The following MCM3 variants were observed in gnomAD, a reference collection of about 807,000 sequenced individuals.
MCM3 encodes minichromosome maintenance complex component 3, also known as DNA replication licensing factor MCM3.
In MCM3, 59 loss-of-function variants were observed where a neutral mutation model predicts 91.3. The observed-to-expected ratio is 0.65, with a 90% CI of 0.52 to 0.80. MCM3 has a LOEUF of 0.80. MCM3 is among the 30% of genes least tolerant of loss of function. The pLI is 0.00. For synonymous variants in MCM3, 383 were observed against 379.6 expected (o/e 1.01, Z -0.10); for missense variants, 919 against 1,035.4 (o/e 0.89, Z 1.54).
chr6:52,278,609 T>C (rs1207960637), intron 6 of MCM3, 133 bp downstream of exon 6: 1 of 589,496 alleles, frequency 1.7e-6, no homozygotes, highest in Non-Finnish European at 3.0e-6. Flanking sequence ...CATTTGTTGA[T>C]TGAGACAAAA....
Position 52,272,463 on chromosome 6 carries a change from C to A in MCM3, c.1677-12G>T. On this transcript the variant is annotated splice_polypyrimidine_tract_variant and intron_variant, in intron 11 of 16. Transcript: ENST00000596288. ...TCACCATCTTCTCCCTGGAGCCACA[C>A]ACAGTGAATTCCATCTCCCTGCCAC... is the stretch of plus-strand genomic sequence containing the variant. 1 of 1,613,946 alleles carries A rather than the reference C, an allele frequency of 6.2e-7. No homozygotes were observed. The highest frequency in any genetic ancestry group is 2.2e-5 in the East Asian group (1 of 44,894).
At chr6:52,280,548 T>C (rs566067272) in intron 4 of MCM3, among the ~76,000 whole-genome samples, 7 of 152,358 alleles carry the variant, frequency 4.6e-5, no homozygotes, top group African/African-American at 1.7e-4. Flanking sequence ...TAGCAGAGTC[T>C]TGACTTGATA....
rs370860775 is a variant in MCM3, at chr6:52,277,209, G to A, written c.1034-11C>T. 3.7e-6 allele frequency: 6 copies of A among 1,609,744 alleles called. No individual in the cohort carries two copies. The highest frequency in any genetic ancestry group is 2.0e-4 in the Middle Eastern group (1 of 4,892). On this transcript the variant is annotated splice_polypyrimidine_tract_variant and intron_variant, in intron 7 of 16. Transcript: ENST00000596288. Reference sequence around the variant, plus strand: ...CAACGGATGGGTCTCCTGTAGGGTGGGGGCAGTGATGACTCTCTAGGAAAC... The same window carrying A: ...CAACGGATGGGTCTCCTGTAGGGTGAGGGCAGTGATGACTCTCTAGGAAAC...
intron 1 of MCM3, among the ~76,000 whole-genome samples, chr6:52,284,328 T>G (rs550361925): frequency 3.3e-5 from 5 of 152,234 alleles, no homozygotes; most frequent in Non-Finnish European, 7.3e-5. Flanking sequence ...TTTGCCAATC[T>G]GCTTGCACTT....
rs565171746 is a variant in MCM3 at position 52,264,715 on chromosome 6, C to T, written c.2300G>A (p.Arg767His). 13 of 1,614,108 alleles carry T rather than the reference C, an allele frequency of 8.1e-6. No individual in the cohort carries two copies. In the South Asian group the frequency reaches 9.9e-5, roughly 12 times the overall value. ...GTCCCGGTTGATGGATTCTGTGAGG[C>T]GATTCATGCCGATTGACTGCGCATG... ...EAHAQSIGMNRLTESINRDSE... is the reference protein window; with the variant it reads ...EAHAQSIGMNHLTESINRDSE... The change falls in exon 17 of 17, where the codon CGC becomes CAC. Residue 767 changes from arginine to histidine, a missense_variant. Physicochemically the swap from Arg to His is conservative, Grantham distance 29 (BLOSUM62 0). This residue lies in a region of MCM3 where 285 missense variants were observed against 311.4 expected (regional missense o/e 0.92). Transcript: ENST00000596288.
chr6:52,274,839 T>G (rs181871841), intron 9 of MCM3, among the ~76,000 whole-genome samples: 36 of 152,352 alleles, frequency 2.4e-4, no homozygotes, highest in Non-Finnish European at 1.3e-4. Context: ...TAATAATGAT[T>G]TTGACCATGT....
chr6:52,284,645 C>G lies in MCM3; in HGVS notation c.30G>C (p.Val10=), dbSNP rs1307173586. 1 of 1,605,132 alleles carries G rather than the reference C, an allele frequency of 6.2e-7. No individual in the cohort carries two copies. Among genetic ancestry groups the G allele is most frequent in the Non-Finnish European group, 8.5e-7 (1 of 1,176,770 alleles). ...AATCTCTCTGAGCCTCCCGCAGCTC[C>G]ACATCGTCCAGCACCACGGTACCCG... MAGTVVLDD[V]ELREAQRDYL... Residue 10 remains valine (V), a synonymous_variant, in exon 1 of 17, where the codon GTG becomes GTC. Transcript: ENST00000596288.
At chr6:52,266,844 G>A in intron 14 of MCM3, 148 bp from the exon 15 acceptor site, 1 of 677,270 alleles carries the variant, frequency 1.5e-6, no homozygotes, top group Non-Finnish European at 2.6e-6. Context: ...GCAAACTGCT[G>A]CTTGTTCCAA....
At chr6:52,283,462 A>G (rs186594924) in intron 1 of MCM3, 56 bp from the exon 2 acceptor site, 3 of 1,247,512 alleles carry the variant, frequency 2.4e-6, no homozygotes, top group Non-Finnish European at 3.5e-6. Flanking sequence ...CAATGTTTCT[A>G]AACAGAAGTA....
intron 4 of MCM3, among the ~76,000 whole-genome samples, chr6:52,279,877 G>A (rs1765924030): frequency 6.6e-6 from 1 of 152,168 alleles, no homozygotes; most frequent in Admixed American, 6.5e-5. Flanking sequence ...ACATTCTGAA[G>A]CAGTTTTTCC....
At chr6:52,267,800 A>T in intron 14 of MCM3, 65 bp downstream of exon 14, 1 of 732,308 alleles carries the variant, frequency 1.4e-6, no homozygotes, top group Non-Finnish European at 2.5e-6. Context: ...TGCTAAGATT[A>T]CAGGCGTGCA....
Position 52,271,134 on chromosome 6 carries a change from T to C in MCM3, c.1827+1167A>G, listed in dbSNP as rs147734954. Among the ~76,000 whole-genome samples, 454 of 150,756 alleles carry C rather than the reference T, an allele frequency of 3.0e-3. 2 individuals are homozygous for C. Among genetic ancestry groups the C allele is most frequent in the African/African-American group, 0.011 (437 of 40,972 alleles). On this transcript the variant is annotated intron_variant, in intron 12 of 16. Transcript: ENST00000596288. The stretch of plus-strand genomic sequence containing the variant: ...CGGAGGTTGCAGTGAGCCCAGACCA[T>C]GCCACTGCACTCCAGCCTGGGTAAC...
At position 52,279,656 on chromosome 6, in the gene MCM3, C is replaced by T. The variant is rs1765907148; in HGVS notation, c.532-57G>A. 7 of 1,272,446 alleles carry T rather than the reference C, an allele frequency of 5.5e-6. No individual in the cohort carries two copies. In the East Asian group the frequency reaches 1.4e-4, roughly 26 times the overall value. The allele number at this position is 1,272,446 out of a possible 1,614,324, so 78.8% of individuals were successfully genotyped here. A position where few individuals can be genotyped will look rare whatever the true frequency, so the allele number is the denominator to read the frequency against. The stretch of plus-strand genomic sequence containing the variant: ...TCTCCGTCCTGTCTTAAAAATGCCA[C>T]ACTCACCTGTCATGGCAAATAAGAT... On this transcript the variant is annotated intron_variant, in intron 4 of 16. Coordinates refer to ENST00000596288, the MANE Select transcript of MCM3 (RefSeq NM_002388.6).
chr6:52,279,708 A>C, intron 4 of MCM3, 109 bp from the exon 5 acceptor site: 8 of 886,024 alleles, frequency 9.0e-6, no homozygotes, highest in Non-Finnish European at 1.4e-5. Context: ...ATTATTCAGT[A>C]ACAAAAAAAG....
intron 9 of MCM3, among the ~76,000 whole-genome samples, chr6:52,274,952 T>C (rs1286122404): frequency 6.6e-6 from 1 of 152,200 alleles, no homozygotes; most frequent in Admixed American, 6.5e-5. Flanking sequence ...CTTTTAAAGA[T>C]GAGGTCTCAC....
rs1766483123 is a variant in MCM3, at chr6:52,284,622, T to C, written c.53A>G (p.Asp18Gly). Reference protein sequence around the residue: ...DDVELREAQRDYLDFLDDEED... With the variant: ...DDVELREAQRGYLDFLDDEED... ...CTCGTCGTCCAGGAAGTCCAGGTAATCTCTCTGAGCCTCCCGCAGCTCCAC... is the reference window on the plus strand; with the variant it reads ...CTCGTCGTCCAGGAAGTCCAGGTAACCTCTCTGAGCCTCCCGCAGCTCCAC... The change falls in exon 1 of 17, where the codon GAT (aspartate) becomes GGT (glycine). Residue 18 changes from aspartate to glycine, a missense_variant. By Grantham distance (94) the Asp-to-Gly change is moderately conservative (BLOSUM62 -1). Around this residue, in one of 3 missense-constraint regions of MCM3, gnomAD observed 401 missense variants for 402.7 expected, o/e 1.00. Coordinates refer to ENST00000596288, the MANE Select transcript of MCM3 (RefSeq NM_002388.6). The C allele has an allele frequency of 4.4e-6, 7 of 1,608,464 alleles. No homozygotes were observed. The highest frequency in any genetic ancestry group is 1.3e-5 in the African/African-American group (1 of 74,894).
Position 52,273,743 on chromosome 6 carries a change from A to T in MCM3, c.1548T>A (p.Asp516Glu), listed in dbSNP as rs772299940. 3.1e-6 allele frequency: 5 copies of T among 1,608,278 alleles called. No individual in the cohort carries two copies. In the Admixed American group the frequency reaches 6.7e-5, roughly 22 times the overall value. The change falls in exon 10 of 17, where the codon GAT (aspartate) becomes GAA (glutamate). Residue 516 changes from aspartate (D) to glutamate (E), a missense_variant and splice_region_variant. Asp to Glu is a conservative substitution (Grantham distance 45). Around this residue, in one of 3 missense-constraint regions of MCM3, gnomAD observed 233 missense variants for 321.2 expected, o/e 0.73. Transcript: ENST00000596288. ...CTCTTACTATTCTTATGGCCTCACC[A>T]TCGCCATCCTGCTCCCCAGGTGCTC... ...RYRAPGEQDG[D>E]AMPLGSAVDI...
chr6:52,274,688 CAG>C (rs2128279865), intron 9 of MCM3, among the ~76,000 whole-genome samples: 1 of 129,402 alleles, frequency 7.7e-6, no homozygotes, highest in Non-Finnish European at 1.6e-5. Flanking sequence ...GACTATGTCT[CAG>C]AAAAAAAAAA....
At chr6:52,268,789 G>A (rs935101852) in intron 13 of MCM3, among the ~76,000 whole-genome samples, 5 of 152,116 alleles carry the variant, frequency 3.3e-5, no homozygotes, top group Non-Finnish European at 7.4e-5. Flanking sequence ...AGATGCAAAG[G>A]AAGTAGGGGT....
Sources: allele counts gnomAD v4.1 joint callset (sites outside exome capture counted in the v4.1 genomes callset), GRCh38; gene constraint gnomAD v4.1.1; regional missense constraint gnomAD v4.1.1; transcripts MANE v1.5; gene names NCBI Gene and HGNC (gene_info 2026-07-23, HGNC 2026-07-21).